OAT: variants seen among roughly 807,000 people sequenced by gnomAD.
OAT encodes ornithine aminotransferase, mitochondrial.
Under a neutral mutation model 48.4 loss-of-function variants are expected in OAT, and 35 were observed. The ratio of observed to expected loss-of-function variants is 0.72; its 90% CI spans 0.55 to 0.96. The LOEUF is 0.96. Among genes scored for constraint, OAT ranks in the 40% least tolerant of loss-of-function variants. The pLI is 0.00. For synonymous variants in OAT, 182 were observed against 198.4 expected, an observed-to-expected ratio of 0.92 and a Z score of 0.70; for missense variants, 438 against 537.9, an observed-to-expected ratio of 0.81 and a Z score of 1.84.
intron 4 of OAT, chr10:124,407,034 C>T (rs1012706768): frequency 2.0e-6 from 2 of 985,244 alleles, no homozygotes; most frequent in Non-Finnish European, 2.4e-6. Context: ...CCACTTCTGC[C>T]AGCAGCAACT....
At chr10:124,402,048 G>GTTAGTTATTTATTTATTTATTTAT (rs1554864272) in intron 7 of OAT, among the ~76,000 whole-genome samples, 35 of 151,192 alleles carry the variant, frequency 2.3e-4, no homozygotes, top group African/African-American at 8.3e-4. Context: ...CACCACACAT[G>GTTAGTTATTTATTTATTTATTTAT]TTATTTATTT....
intron 7 of OAT, among the ~76,000 whole-genome samples, chr10:124,402,238 C>T (rs1464847690): frequency 1.3e-5 from 2 of 152,156 alleles, no homozygotes; most frequent in Non-Finnish European, 2.9e-5. Flanking sequence ...AAAGAGTTTA[C>T]ATCTGCCAAC....
chr10:124,411,832 A>G lies in OAT; in HGVS notation c.199+141T>C, dbSNP rs1012208931. 4.2e-4 allele frequency: 288 copies of G among 679,564 alleles called. 1 individual carries two copies. Among genetic ancestry groups the G allele is most frequent in the Middle Eastern group, 1.6e-3 (4 of 2,568 alleles). The allele number at this position is 679,564 out of a possible 1,614,324, so 42.1% of individuals were successfully genotyped here. On this transcript the variant is annotated intron_variant, in intron 2 of 9. Transcript: ENST00000368845. ...CTCCGTCTCAAAAAAAAAAAAAAAAAAAGAAGAAGAAGAATTAACCATGTC... is the reference window on the plus strand; with the variant it reads ...CTCCGTCTCAAAAAAAAAAAAAAAAGAAGAAGAAGAAGAATTAACCATGTC...
At chr10:124,416,866 T>TAA (rs5788661) in intron 1 of OAT, among the ~76,000 whole-genome samples, 1 of 144,422 alleles carries the variant, frequency 6.9e-6, no homozygotes, top group Non-Finnish European at 1.5e-5. Flanking sequence ...TACAGGCCTT[T>TAA]AAAAAAAAAA....
At chr10:124,399,864 T>G (rs1951351729) in intron 9 of OAT, among the ~76,000 whole-genome samples, 2 of 152,092 alleles carry the variant, frequency 1.3e-5, no homozygotes. Flanking sequence ...TAACCTCTAC[T>G]GACACAAAGC....
chr10:124,401,937 A>G, intron 7 of OAT, 98 bp from the exon 8 acceptor site: 1 of 868,506 alleles, frequency 1.2e-6, no homozygotes, highest in Admixed American at 2.0e-5. Flanking sequence ...GCTTGAGTGC[A>G]GTGGCGTGAT....
At position 124,418,919 on chromosome 10, in the gene OAT, G is replaced by C. The variant is rs1952013615; in HGVS notation, c.-76C>G. The C allele has an allele frequency of 6.6e-6, 1 of 152,288 alleles. No individual in the cohort carries two copies. Among genetic ancestry groups the C allele is most frequent in the African/African-American group, 2.4e-5 (1 of 41,450 alleles). 9.4% of individuals were successfully genotyped at this position (152,288 alleles called of 1,614,324 possible). A position where few individuals can be genotyped will look rare whatever the true frequency, so the allele number is the denominator to read the frequency against. The stretch of plus-strand genomic sequence containing the variant: ...CGGGTACACGCGGCGTCTATGAAGC[G>C]CAACAGTGACGCCGGAGAGTCACTG... On this transcript the variant is annotated 5_prime_UTR_variant, in exon 1 of 10. Coordinates refer to ENST00000368845, the MANE Select transcript of OAT (RefSeq NM_000274.4).
chr10:124,404,975 C>T (rs188274914), intron 5 of OAT, among the ~76,000 whole-genome samples: 4 of 152,260 alleles, frequency 2.6e-5, no homozygotes, highest in Non-Finnish European at 5.9e-5. Context: ...ACCCAGGAAG[C>T]GGAGTTTGCA....
In OAT at chr10:124,403,651, G is replaced by A. The variant is rs1310532953; in HGVS notation, c.771+147C>T. ...TAGGAAGTACTTAAGCTCTTAGAAT[G>A]CCATCGCCCTCTAGTGGAAAGTAAT... is the stretch of plus-strand genomic sequence containing the variant. On this transcript the variant is annotated intron_variant, in intron 6 of 9. Transcript: ENST00000368845. The A allele has an allele frequency of 4.5e-6, 5 of 1,122,480 alleles. No individual in the cohort carries two copies. The Admixed American group carries it at 5.9e-5, about 13-fold the overall frequency. The allele number at this position is 1,122,480 out of a possible 1,614,324, so 69.5% of individuals were successfully genotyped here.
chr10:124,400,814 CT>C, intron 9 of OAT, 25 bp downstream of exon 9: 3 of 1,532,452 alleles, frequency 2.0e-6, no homozygotes, highest in Non-Finnish European at 2.7e-6. Flanking sequence ...AAAAAATTAT[CT>C]TGAGTAAATG....
chr10:124,410,498 T>C (rs1045946815), intron 2 of OAT, among the ~76,000 whole-genome samples: 1 of 152,216 alleles, frequency 6.6e-6, no homozygotes, highest in Non-Finnish European at 1.5e-5. Context: ...TTTTTACAAT[T>C]ACTCTATGGT....
chr10:124,418,507 G>T lies in OAT; in HGVS notation c.-30+366C>A, dbSNP rs562905748. Among the ~76,000 whole-genome samples the T allele has an allele frequency of 1.2e-3, 190 of 152,320 alleles. 1 individual carries two copies. Among genetic ancestry groups the T allele is most frequent in the African/African-American group, 4.4e-3 (185 of 41,580 alleles). On this transcript the variant is annotated intron_variant, in intron 1 of 9. Transcript: ENST00000368845. ...TCCACAGGCCGCGAGCGCAGGGGGC[G>T]GCGGCTCCGCCCGGTCTGGCAGGCG...
chr10:124,415,459 A>G (rs1365372611), intron 1 of OAT, among the ~76,000 whole-genome samples: 2 of 152,158 alleles, frequency 1.3e-5, no homozygotes, highest in Admixed American at 1.3e-4. Context: ...TGAATTCTGG[A>G]TATTTAATTC....
intron 1 of OAT, among the ~76,000 whole-genome samples, chr10:124,417,089 G>C (rs2134509252): frequency 6.6e-6 from 1 of 152,116 alleles, no homozygotes; most frequent in East Asian, 1.9e-4. Flanking sequence ...ACTCACTAAA[G>C]GGCATAAAAT....
intron 1 of OAT, among the ~76,000 whole-genome samples, chr10:124,412,861 A>G (rs376771445): frequency 1.2e-4 from 18 of 152,202 alleles, no homozygotes; most frequent in Non-Finnish European, 2.5e-4. Context: ...AGTACCTGCT[A>G]AACACTAAGT....
chr10:124,409,068 C>T (rs1951682228), intron 2 of OAT, 103 bp from the exon 3 acceptor site: 1 of 750,666 alleles, frequency 1.3e-6, no homozygotes, highest in Admixed American at 2.5e-5. Context: ...TATATATGAA[C>T]CTCTATTTAA....
intron 9 of OAT, among the ~76,000 whole-genome samples, chr10:124,400,405 G>A (rs987830791): frequency 4.7e-5 from 7 of 147,466 alleles, no homozygotes; most frequent in Admixed American, 6.9e-5. Context: ...CCAAAATGGC[G>A]CCATTGCACT....
chr10:124,400,056 T>C (rs1951356806), intron 9 of OAT, among the ~76,000 whole-genome samples: 1 of 152,246 alleles, frequency 6.6e-6, no homozygotes, highest in Non-Finnish European at 1.5e-5. Context: ...ATATTTTTTA[T>C]ACTCTTAATA....
Position 124,400,814 on chromosome 10 carries a change from C to G in OAT, c.1159+26G>C, listed in dbSNP as rs375670597. ...TTTTAGGTCTTCCTTAAAAAATTAT[C>G]TTGAGTAAATGTTTTATCTCCATAC... On this transcript the variant is annotated intron_variant, in intron 9 of 9. Coordinates refer to ENST00000368845, the MANE Select transcript of OAT (RefSeq NM_000274.4). The G allele has an allele frequency of 4.4e-5, 68 of 1,532,454 alleles. No homozygotes were observed. In the African/African-American group the frequency reaches 7.3e-4, roughly 17 times the overall value. The allele number at this position is 1,532,454 out of a possible 1,614,324, so 94.9% of individuals were successfully genotyped here.
Sources: allele counts gnomAD v4.1 joint callset (sites outside exome capture counted in the v4.1 genomes callset), GRCh38; gene constraint gnomAD v4.1.1; transcripts MANE v1.5; gene names NCBI Gene and HGNC (gene_info 2026-07-23, HGNC 2026-07-21).